Variants in SYN3 observed in about 807,000 individuals in gnomAD.
The protein encoded by SYN3 is synapsin III.
Under a neutral mutation model 65.8 loss-of-function variants are expected in SYN3, and 35 were observed. The observed-to-expected ratio is 0.53, with a 90% CI of 0.41 to 0.70. The LOEUF (loss-of-function observed/expected upper bound fraction) is 0.70. Among genes scored for constraint, SYN3 ranks in the 30% least tolerant of loss-of-function variants. The pLI is 0.00. For missense variants in SYN3, 680 were observed against 749.0 expected, an observed-to-expected ratio of 0.91 and a Z score of 1.08; for synonymous variants, 270 against 292.9, an observed-to-expected ratio of 0.92 and a Z score of 0.80.
At chr22:32,557,349 G>C (rs187651379) in intron 7 of SYN3, among the ~76,000 whole-genome samples, 22 of 152,266 alleles carry the variant, frequency 1.4e-4, no homozygotes, top group South Asian at 1.2e-3. Flanking sequence ...TGAGGGGATG[G>C]AGTCCACCTG....
intron 1 of SYN3, among the ~76,000 whole-genome samples, chr22:33,029,920 A>G (rs910714220): frequency 1.3e-5 from 2 of 152,166 alleles, no homozygotes; most frequent in African/African-American, 4.8e-5. Flanking sequence ...CTCACACAGC[A>G]GGTTCACGTC....
intron 3 of SYN3, among the ~76,000 whole-genome samples, chr22:32,971,599 G>A (rs927435511): frequency 2.4e-4 from 37 of 152,198 alleles, no homozygotes; most frequent in African/African-American, 8.7e-4. Context: ...GCTGTAACCA[G>A]GAAAGCATTC....
chr22:32,705,178 T>C (rs148893865), intron 6 of SYN3, among the ~76,000 whole-genome samples: 1 of 152,360 alleles, frequency 6.6e-6, no homozygotes, highest in East Asian at 1.9e-4. Flanking sequence ...AGGATTTTTA[T>C]AGTTTTGGGT....
intron 6 of SYN3, among the ~76,000 whole-genome samples, chr22:32,820,009 C>G (rs2047190625): frequency 6.6e-6 from 1 of 152,136 alleles, no homozygotes; most frequent in African/African-American, 2.4e-5. Context: ...CCAAGGGAAT[C>G]AGGGCCTTGA....
At chr22:33,024,031 G>A (rs941966749) in intron 1 of SYN3, among the ~76,000 whole-genome samples, 3 of 152,082 alleles carry the variant, frequency 2.0e-5, no homozygotes, top group Admixed American at 6.6e-5. Flanking sequence ...GATACCATAC[G>A]TTCCCTGAGC....
intron 6 of SYN3, among the ~76,000 whole-genome samples, chr22:32,806,475 T>C (rs2046739821): frequency 1.3e-5 from 2 of 152,162 alleles, no homozygotes; most frequent in Admixed American, 6.5e-5. Context: ...AGGAGGCCCC[T>C]TCTTCTACCT....
rs1240793401 is a variant in SYN3, at chr22:32,567,320, T to TCCTCCCTACCTCCCTCCCTC, written c.775-25608_775-25607insGAGGGAGGGAGGTAGGGAGG. ...AGGTGCAATAGAACGATGACGGAGA[T>TCCTCCCTACCTCCCTCCCTC]CCTCCCTCCCTCCCTCCCTCCCTCC... On this transcript the variant is annotated intron_variant, in intron 7 of 13. Transcript: ENST00000358763. 8.2e-5 allele frequency among the ~76,000 whole-genome samples: 10 copies of TCCTCCCTACCTCCCTCCCTC among 121,636 alleles called. No homozygotes were observed. The South Asian group carries it at 2.7e-3, about 33-fold the overall frequency. 79.8% of individuals were successfully genotyped at this position (121,636 alleles called of 152,430 possible). A position where few individuals can be genotyped will look rare whatever the true frequency, so the allele number is the denominator to read the frequency against.
chr22:32,522,335 A>G (rs1323021797), intron 12 of SYN3, among the ~76,000 whole-genome samples: 1 of 152,172 alleles, frequency 6.6e-6, no homozygotes, highest in Non-Finnish European at 1.5e-5. Flanking sequence ...GTTTAGCCTC[A>G]TTTCCCTTAA....
chr22:32,899,121 C>CAAAACAAAACAAAACAAAACAAAACAA (rs1419498399), intron 4 of SYN3, among the ~76,000 whole-genome samples: 1 of 151,700 alleles, frequency 6.6e-6, no homozygotes, highest in South Asian at 2.1e-4. Flanking sequence ...CAAAACAAAA[C>CAAAACAAAACAAAACAAAACAAAACAA]AACGAAAAAA....
chr22:32,639,082 T>A lies in SYN3; in HGVS notation c.712-42346A>T, dbSNP rs536574972. On this transcript the variant is annotated intron_variant, in intron 6 of 13. Coordinates refer to ENST00000358763, the MANE Select transcript of SYN3 (RefSeq NM_003490.4). ...CATTCTCCTGCCTCAGCCTCCCAAG[T>A]AGCTGGGACTACAGGCGCCCGCCAC... is the stretch of plus-strand genomic sequence containing the variant. Among the ~76,000 whole-genome samples the A allele has an allele frequency of 4.6e-5, 7 of 152,240 alleles. No individual in the cohort carries two copies. The East Asian group carries it at 1.4e-3, about 29-fold the overall frequency.
At chr22:32,723,548 G>T (rs1384227986) in intron 6 of SYN3, among the ~76,000 whole-genome samples, 1 of 152,080 alleles carries the variant, frequency 6.6e-6, no homozygotes, top group African/African-American at 2.4e-5. Context: ...AATCTGGCTG[G>T]TGGAGGAACT....
intron 6 of SYN3, among the ~76,000 whole-genome samples, chr22:32,765,505 G>T (rs530193231): frequency 6.6e-6 from 1 of 152,182 alleles, no homozygotes; most frequent in African/African-American, 2.4e-5. Flanking sequence ...TGAAAAACAG[G>T]AAAGTGGAGG....
chr22:32,995,864 T>C (rs1445555388), intron 2 of SYN3, among the ~76,000 whole-genome samples: 1 of 152,160 alleles, frequency 6.6e-6, no homozygotes, highest in Non-Finnish European at 1.5e-5. Flanking sequence ...GGTTTCACCA[T>C]GTTGGCCAGG....
At chr22:32,710,720 T>C (rs1039635657) in intron 6 of SYN3, among the ~76,000 whole-genome samples, 4 of 151,854 alleles carry the variant, frequency 2.6e-5, no homozygotes, top group African/African-American at 4.8e-5. Context: ...ATGTGAGACA[T>C]CTGGCTTCCA....
chr22:32,924,275 G>A (rs1233459922), intron 4 of SYN3, among the ~76,000 whole-genome samples: 3 of 152,196 alleles, frequency 2.0e-5, no homozygotes, highest in African/African-American at 7.2e-5. Flanking sequence ...GACACACTGA[G>A]TCACAGGCTA....
intron 6 of SYN3, among the ~76,000 whole-genome samples, chr22:32,813,486 TACACACACACACACACAC>T (rs130277): frequency 2.3e-4 from 32 of 138,284 alleles, no homozygotes; most frequent in Admixed American, 8.6e-4. Context: ...TCTGAAAAGA[TACACACACACACACACAC>T]ACACACACAC....
At chr22:32,572,075 A>T (rs1322203856) in intron 7 of SYN3, among the ~76,000 whole-genome samples, 1 of 151,890 alleles carries the variant, frequency 6.6e-6, no homozygotes, top group African/African-American at 2.4e-5. Flanking sequence ...TGCTTGGGCA[A>T]GCAGAGGAGG....
intron 9 of SYN3, among the ~76,000 whole-genome samples, chr22:32,535,844 G>C (rs569627413): frequency 1.3e-5 from 2 of 152,332 alleles, no homozygotes; most frequent in East Asian, 1.9e-4. Context: ...GACATCATTG[G>C]TTTTGCCCAG....
intron 4 of SYN3, among the ~76,000 whole-genome samples, chr22:32,925,336 C>G (rs2050440902): frequency 6.6e-6 from 1 of 152,212 alleles, no homozygotes; most frequent in Non-Finnish European, 1.5e-5. Flanking sequence ...ATCATCACAT[C>G]TGCAACAATG....
Sources: gnomAD v4.1 joint callset for allele counts (sites outside exome capture counted in the v4.1 genomes callset) on GRCh38, gnomAD v4.1.1 for gene constraint, MANE v1.5 for transcripts, NCBI Gene and HGNC (gene_info 2026-07-23, HGNC 2026-07-21) for gene names.